Variants in ANGPTL3 observed in about 807,000 individuals in gnomAD.
ANGPTL3 encodes angiopoietin like 3.
A neutral mutation model predicts 52.7 loss-of-function variants in ANGPTL3; 51 were observed. The ratio of observed to expected loss-of-function variants is 0.97; its 90% CI spans 0.77 to 1.22. The LOEUF is 1.22. ANGPTL3 is among the 50% of genes most tolerant of loss of function. ANGPTL3 has a pLI of 0.00. For synonymous variants in ANGPTL3, 185 were observed against 179.8 expected (o/e 1.03, Z -0.23); for missense variants, 506 against 520.7 (o/e 0.97, Z 0.27).
Position 62,600,713 on chromosome 1 carries a change from C to T in ANGPTL3, c.607-369C>T, listed in dbSNP as rs1238490728. Among the ~76,000 whole-genome samples, 4 of 151,696 alleles carry T rather than the reference C, an allele frequency of 2.6e-5. 1 individual carries two copies. The East Asian group carries it at 5.8e-4, about 22-fold the overall frequency. ...TCACAGGTCTGAAGATCAGTAAGAC[C>T]TAAAACTGAAAATTATTAAACTTAA... On this transcript the variant is annotated intron_variant, in intron 2 of 6. Coordinates refer to ENST00000371129, the MANE Select transcript of ANGPTL3 (RefSeq NM_014495.4).
rs781299623 is a variant in ANGPTL3 at position 62,601,837 on chromosome 1, C to T, written c.790C>T (p.Pro264Ser). 4 of 1,610,182 alleles carry T rather than the reference C, an allele frequency of 2.5e-6. No homozygotes were observed. Among genetic ancestry groups the T allele is most frequent in the South Asian group, 2.2e-5 (2 of 90,984 alleles). Residue 264 changes from proline to serine, a missense_variant, in exon 4 of 7, where the codon CCC becomes TCC. By Grantham distance (74) the Pro-to-Ser change is moderately conservative. Coordinates refer to ENST00000371129, the MANE Select transcript of ANGPTL3 (RefSeq NM_014495.4). ...EHTSGMYAIR[P>S]SNSQVFHVYC... is the part of the protein sequence containing the mutation. Reference sequence around the variant, plus strand: ...TACAAGTGGCATGTATGCCATCAGACCCAGCAACTCTCAAGTTTTTCATGT... The same window carrying T: ...TACAAGTGGCATGTATGCCATCAGATCCAGCAACTCTCAAGTTTTTCATGT...
chr1:62,597,679 C>A lies in ANGPTL3; in HGVS notation c.113C>A (p.Ala38Asp), dbSNP rs1267929323. The A allele has an allele frequency of 2.5e-6, 4 of 1,613,482 alleles. No individual in the cohort carries two copies. Among genetic ancestry groups the A allele is most frequent in the Non-Finnish European group, 3.4e-6 (4 of 1,179,670 alleles). ...SLSPEPKSRF[A>D]MLDDVKILAN... is the part of the protein sequence containing the mutation. ...TCTCCAGAGCCAAAATCAAGATTTGCTATGTTAGACGATGTAAAAATTTTA... is the reference window on the plus strand; with the variant it reads ...TCTCCAGAGCCAAAATCAAGATTTGATATGTTAGACGATGTAAAAATTTTA... Residue 38 changes from alanine (A) to aspartate (D), a missense_variant, in exon 1 of 7, where the codon GCT (alanine) becomes GAT (aspartate). Transcript: ENST00000371129.
rs1649538596 is a variant in ANGPTL3 at position 62,598,003 on chromosome 1, CTAACT to C, written c.441_445del (p.Leu148SerfsTer5). Reference sequence around the variant, plus strand: ...GTGAAATATTTAGAAGAGCAACTAACTAACTTAATTCAAAATCAACCTGAAACTCC... The same window carrying C: ...GTGAAATATTTAGAAGAGCAACTAACTAATTCAAAATCAACCTGAAACTCC... On this transcript the variant is annotated frameshift_variant, in exon 1 of 7. Coordinates refer to ENST00000371129, the MANE Select transcript of ANGPTL3 (RefSeq NM_014495.4). LOFTEE classifies it high-confidence loss of function. 6.4e-7 allele frequency: 1 copy of C among 1,570,256 alleles called. No homozygotes were observed. The highest frequency in any genetic ancestry group is 1.4e-5 in the African/African-American group (1 of 72,116).
intron 5 of ANGPTL3, among the ~76,000 whole-genome samples, chr1:62,603,425 G>T (rs1274716976): frequency 1.3e-5 from 2 of 151,534 alleles, no homozygotes; most frequent in African/African-American, 2.4e-5. Flanking sequence ...ACAGAAAAAA[G>T]TTATTAAGAA....
intron 6 of ANGPTL3, 39 bp downstream of exon 6, chr1:62,604,274 T>C: frequency 2.5e-6 from 4 of 1,604,500 alleles, no homozygotes; most frequent in Non-Finnish European, 3.4e-6. Context: ...TTTCATATCT[T>C]CAAAGTATCT....
Position 62,604,885 on chromosome 1 carries a change from T to A in ANGPTL3, c.*68T>A. On this transcript the variant is annotated 3_prime_UTR_variant, in exon 7 of 7. Transcript: ENST00000371129. The stretch of plus-strand genomic sequence containing the variant: ...ATTCCAAGTTAATGTGGTCTAATAA[T>A]CTGGTATTAAATCCTTAAGAGAAAG... 1.3e-6 allele frequency: 2 copies of A among 1,494,272 alleles called. No individual in the cohort carries two copies. The highest frequency in any genetic ancestry group is 3.4e-5 in the Admixed American group (2 of 58,912). The allele number at this position is 1,494,272 out of a possible 1,614,324, so 92.6% of individuals were successfully genotyped here.
intron 5 of ANGPTL3, 73 bp downstream of exon 5, chr1:62,602,453 A>T: frequency 7.5e-7 from 1 of 1,329,676 alleles, no homozygotes. Flanking sequence ...CTTATGGACC[A>T]GGTATTAGGA....
chr1:62,602,850 T>C (rs1465467478), intron 5 of ANGPTL3, among the ~76,000 whole-genome samples: 2 of 151,570 alleles, frequency 1.3e-5, no homozygotes, highest in Non-Finnish European at 3.0e-5. Flanking sequence ...AAATATAATA[T>C]ATAGAATGTA....
At chr1:62,598,667 CTT>C in intron 1 of ANGPTL3, 27 bp from the exon 2 acceptor site, 2 of 1,321,730 alleles carry the variant, frequency 1.5e-6, no homozygotes, top group Non-Finnish European at 2.2e-6. Context: ...AGGAAAGCAA[CTT>C]ATAACCAACC....
chr1:62,601,077 A>G lies in ANGPTL3; in HGVS notation c.607-5A>G. On this transcript the variant is annotated splice_polypyrimidine_tract_variant and splice_region_variant and intron_variant, in intron 2 of 6. Coordinates refer to ENST00000371129, the MANE Select transcript of ANGPTL3 (RefSeq NM_014495.4). Reference sequence around the variant, plus strand: ...TTAAAAAACAGATTTATATTCTTTTATCAGCTCAGAAGGACTAGTATTCAA... The same window carrying G: ...TTAAAAAACAGATTTATATTCTTTTGTCAGCTCAGAAGGACTAGTATTCAA... The G allele has an allele frequency of 6.6e-7, 1 of 1,524,528 alleles. No homozygotes were observed. The highest frequency in any genetic ancestry group is 9.1e-7 in the Non-Finnish European group (1 of 1,099,240). 94.4% of individuals were successfully genotyped at this position (1,524,528 alleles called of 1,614,324 possible).
Position 62,604,671 on chromosome 1 carries a change from C to G in ANGPTL3, c.1237C>G (p.Leu413Val). ...WWHDECGENN[L>V]NGKYNKPRAK... ...GCATGATGAGTGTGGAGAAAACAAC[C>G]TAAATGGTAAATATAACAAACCAAG... The change falls in exon 7 of 7, where the codon CTA (leucine) becomes GTA (valine). Residue 413 changes from leucine to valine, a missense_variant. Leu to Val is a conservative substitution (Grantham distance 32). Coordinates refer to ENST00000371129, the MANE Select transcript of ANGPTL3 (RefSeq NM_014495.4). 1.2e-6 allele frequency: 2 copies of G among 1,613,134 alleles called. No homozygotes were observed. Among genetic ancestry groups the G allele is most frequent in the Middle Eastern group, 3.3e-4 (2 of 6,058 alleles).
Position 62,601,216 on chromosome 1 carries a change from T to C in ANGPTL3, c.721+20T>C, listed in dbSNP as rs181132372. ...ATGATGGTAAGACACTTTGGTGGGT[T>C]TCCTTCTTGAAGCTATTATTATCAA... is the stretch of plus-strand genomic sequence containing the variant. On this transcript the variant is annotated intron_variant, in intron 3 of 6. Coordinates refer to ENST00000371129, the MANE Select transcript of ANGPTL3 (RefSeq NM_014495.4). 2.0e-6 allele frequency: 3 copies of C among 1,494,972 alleles called. No individual in the cohort carries two copies. In the East Asian group the frequency reaches 6.8e-5, roughly 34 times the overall value. 92.6% of individuals were successfully genotyped at this position (1,494,972 alleles called of 1,614,324 possible).
chr1:62,599,169 G>C (rs1290022901), intron 2 of ANGPTL3, among the ~76,000 whole-genome samples: 1 of 151,998 alleles, frequency 6.6e-6, no homozygotes, highest in African/African-American at 2.4e-5. Context: ...CCACACAATA[G>C]CTTTCCATTT....
intron 1 of ANGPTL3, 27 bp downstream of exon 1, chr1:62,598,088 G>A: frequency 1.3e-6 from 2 of 1,545,718 alleles, no homozygotes; most frequent in Non-Finnish European, 1.7e-6. Flanking sequence ...GAGGGTTCAT[G>A]TTTATGTTTT....
chr1:62,600,514 C>T (rs991202652), intron 2 of ANGPTL3, among the ~76,000 whole-genome samples: 4 of 151,540 alleles, frequency 2.6e-5, no homozygotes, highest in African/African-American at 9.7e-5. Flanking sequence ...AATTGCAAAC[C>T]CAACACACTT....
chr1:62,605,837 C>T lies in ANGPTL3; in HGVS notation c.*1020C>T, dbSNP rs1476361919. ...TGTTTATCGACATCACAACAGATCC[C>T]TAAATCCCTAAATCCCTAAAGATTA... is the stretch of plus-strand genomic sequence containing the variant. On this transcript the variant is annotated 3_prime_UTR_variant, in exon 7 of 7. Transcript: ENST00000371129. The T allele has an allele frequency of 1.3e-5, 2 of 151,898 alleles. No individual in the cohort carries two copies. Among genetic ancestry groups the T allele is most frequent in the Non-Finnish European group, 2.9e-5 (2 of 67,854 alleles). The allele number at this position is 151,898 out of a possible 1,614,324, so 9.4% of individuals were successfully genotyped here.
chr1:62,601,380 C>CA (rs1321451309), intron 3 of ANGPTL3, among the ~76,000 whole-genome samples, 184 bp downstream of exon 3: 5 of 151,480 alleles, frequency 3.3e-5, no homozygotes, highest in Non-Finnish European at 7.4e-5. Context: ...CAGAGAAATA[C>CA]AAATATGGAC....
Position 62,604,511 on chromosome 1 carries a change from G to T in ANGPTL3, c.1199-122G>T, listed in dbSNP as rs530058126. On this transcript the variant is annotated intron_variant, in intron 6 of 6. Transcript: ENST00000371129. Reference sequence around the variant, plus strand: ...GACTTATACAGATTATTTAAAACTGGGATACATGCATCTAAAACACTGTAA... The same window carrying T: ...GACTTATACAGATTATTTAAAACTGTGATACATGCATCTAAAACACTGTAA... The T allele has an allele frequency of 6.6e-6, 7 of 1,062,734 alleles. No individual in the cohort carries two copies. In the East Asian group the frequency reaches 1.8e-4, roughly 27 times the overall value. 65.8% of individuals were successfully genotyped at this position (1,062,734 alleles called of 1,614,324 possible). A position where few individuals can be genotyped will look rare whatever the true frequency, so the allele number is the denominator to read the frequency against.
In ANGPTL3 at chr1:62,604,104, C is replaced by T; in HGVS notation, c.1067C>T (p.Thr356Ile). The part of the protein sequence containing the change: ...EYSFYLGNHE[T>I]NYTLHLVAIT... Reference sequence around the variant, plus strand: ...TCTTTTTACTTGGGAAATCACGAAACCAACTATACGCTACATCTAGTTGCG... The same window carrying T: ...TCTTTTTACTTGGGAAATCACGAAATCAACTATACGCTACATCTAGTTGCG... The change falls in exon 6 of 7, where the codon ACC becomes ATC. Residue 356 changes from threonine to isoleucine, a missense_variant. Coordinates refer to ENST00000371129, the MANE Select transcript of ANGPTL3 (RefSeq NM_014495.4). The T allele has an allele frequency of 6.2e-7, 1 of 1,613,272 alleles. No homozygotes were observed. The highest frequency in any genetic ancestry group is 8.5e-7 in the Non-Finnish European group (1 of 1,179,472).
Sources: allele counts gnomAD v4.1 joint callset (sites outside exome capture counted in the v4.1 genomes callset), GRCh38; gene constraint gnomAD v4.1.1; transcripts MANE v1.5; gene names NCBI Gene and HGNC (gene_info 2026-07-23, HGNC 2026-07-21).